Variants in SLC24A3 observed in about 807,000 individuals in gnomAD.
The protein encoded by SLC24A3 is sodium/potassium/calcium exchanger 3.
In SLC24A3, 28 loss-of-function variants were observed where a neutral mutation model predicts 75.8. The observed-to-expected ratio is 0.37, with a 90% CI of 0.27 to 0.51. The LOEUF is 0.51. SLC24A3 is among the 20% of genes least tolerant of loss of function. The pLI, the probability that SLC24A3 is intolerant of heterozygous loss-of-function variation, is 0.94. For missense variants in SLC24A3, 663 were observed against 847.8 expected (o/e 0.78, Z 2.71); for synonymous variants, 372 against 334.1 (o/e 1.11, Z -1.24).
chr20:19,397,288 C>T (rs1164465764), intron 2 of SLC24A3, among the ~76,000 whole-genome samples: 1 of 152,070 alleles, frequency 6.6e-6, no homozygotes, highest in Non-Finnish European at 1.5e-5. Context: ...ATTTTTTCTC[C>T]TCTCAAGATA....
At chr20:19,343,938 C>T (rs545376262) in intron 2 of SLC24A3, among the ~76,000 whole-genome samples, 9 of 152,244 alleles carry the variant, frequency 5.9e-5, no homozygotes, top group African/African-American at 2.2e-4. Flanking sequence ...TTTCTAAAGC[C>T]ATCGGGTGAT....
intron 2 of SLC24A3, among the ~76,000 whole-genome samples, chr20:19,310,094 T>C (rs1431149052): frequency 6.6e-6 from 1 of 152,210 alleles, no homozygotes; most frequent in Non-Finnish European, 1.5e-5. Flanking sequence ...TTCGTGGAGT[T>C]CATTCCATCT....
At chr20:19,394,751 C>A (rs6106071) in intron 2 of SLC24A3, among the ~76,000 whole-genome samples, 2 of 152,102 alleles carry the variant, frequency 1.3e-5, no homozygotes, top group South Asian at 4.1e-4. Flanking sequence ...AAATTGGAAC[C>A]TTTGTGTACT....
intron 2 of SLC24A3, among the ~76,000 whole-genome samples, chr20:19,351,564 C>T (rs975695753): frequency 1.3e-5 from 2 of 152,132 alleles, no homozygotes; most frequent in African/African-American, 2.4e-5. Flanking sequence ...CCCATGGGCC[C>T]TTGTGTGTCC....
intron 2 of SLC24A3, among the ~76,000 whole-genome samples, chr20:19,434,237 C>A (rs117356283): frequency 6.6e-6 from 1 of 152,316 alleles, no homozygotes; most frequent in Middle Eastern, 3.4e-3. Flanking sequence ...ACCAAGGAAC[C>A]GCTGAACTGT....
At chr20:19,520,462 C>T (rs1295247384) in intron 3 of SLC24A3, among the ~76,000 whole-genome samples, 1 of 152,192 alleles carries the variant, frequency 6.6e-6, no homozygotes, top group African/African-American at 2.4e-5. Flanking sequence ...GTGGTAGGGA[C>T]TCCCTTGTGC....
chr20:19,379,588 G>T (rs374078857), intron 2 of SLC24A3, among the ~76,000 whole-genome samples: 1 of 152,174 alleles, frequency 6.6e-6, no homozygotes, highest in Non-Finnish European at 1.5e-5. Context: ...GTGCTCACAG[G>T]TGCACACCCC....
chr20:19,681,603 C>A (rs998353948), intron 9 of SLC24A3, among the ~76,000 whole-genome samples: 6 of 152,204 alleles, frequency 3.9e-5, no homozygotes, highest in Admixed American at 1.3e-4. Flanking sequence ...GCAAAGTAAG[C>A]AATGTGCCCA....
chr20:19,564,042 T>C (rs2030918341), intron 3 of SLC24A3, among the ~76,000 whole-genome samples: 1 of 152,188 alleles, frequency 6.6e-6, no homozygotes, highest in South Asian at 2.1e-4. Flanking sequence ...AGTAGATACC[T>C]AGACAGAAGT....
chr20:19,687,685 T>A (rs1051181140), intron 12 of SLC24A3, among the ~76,000 whole-genome samples: 8 of 152,144 alleles, frequency 5.3e-5, no homozygotes, highest in African/African-American at 1.4e-4. Context: ...ATGAAAGATG[T>A]GTGTGTGAGA....
chr20:19,432,272 T>A (rs914839175), intron 2 of SLC24A3, among the ~76,000 whole-genome samples: 14 of 145,320 alleles, frequency 9.6e-5, no homozygotes, highest in African/African-American at 1.7e-4. Flanking sequence ...TATATCTGTT[T>A]TATATATATA....
chr20:19,651,404 T>TAC (rs2032201384), intron 6 of SLC24A3, among the ~76,000 whole-genome samples: 2 of 147,238 alleles, frequency 1.4e-5, no homozygotes, highest in Non-Finnish European at 3.0e-5. Flanking sequence ...TACACACATA[T>TAC]ATATATATAT....
chr20:19,253,044 C>G (rs191478530), intron 1 of SLC24A3, among the ~76,000 whole-genome samples: 2 of 152,174 alleles, frequency 1.3e-5, no homozygotes, highest in Non-Finnish European at 2.9e-5. Context: ...GGGCTTCCCA[C>G]GGGGTTAGGC....
intron 2 of SLC24A3, among the ~76,000 whole-genome samples, chr20:19,374,409 C>G (rs538066433): frequency 1.3e-5 from 2 of 152,258 alleles, no homozygotes; most frequent in East Asian, 3.9e-4. Context: ...GCAGCCTGCC[C>G]GCTAAGTGCT....
intron 3 of SLC24A3, among the ~76,000 whole-genome samples, chr20:19,530,465 A>C (rs958161363): frequency 6.6e-6 from 1 of 152,186 alleles, no homozygotes; most frequent in Non-Finnish European, 1.5e-5. Flanking sequence ...GTTGATTTCC[A>C]TGACAGCTCA....
chr20:19,606,941 C>T (rs1193189049), intron 6 of SLC24A3, among the ~76,000 whole-genome samples: 1 of 152,192 alleles, frequency 6.6e-6, no homozygotes, highest in Non-Finnish European at 1.5e-5. Context: ...CTTGGTACAC[C>T]TGTCAACCCT....
At chr20:19,221,140 C>T (rs1447735792) in intron 1 of SLC24A3, among the ~76,000 whole-genome samples, 1 of 152,196 alleles carries the variant, frequency 6.6e-6, no homozygotes, top group East Asian at 1.9e-4. Flanking sequence ...TCACTGCAGC[C>T]TCAAACTCCT....
intron 2 of SLC24A3, among the ~76,000 whole-genome samples, chr20:19,418,636 C>T (rs1281869723): frequency 1.3e-5 from 2 of 151,538 alleles, no homozygotes; most frequent in Non-Finnish European, 2.9e-5. Context: ...TGAAAGGGCT[C>T]ATTGAGTGCC....
At chr20:19,343,069 C>CAAAAA (rs5840837) in intron 2 of SLC24A3, among the ~76,000 whole-genome samples, 6 of 73,754 alleles carry the variant, frequency 8.1e-5, no homozygotes, top group African/African-American at 2.1e-4. Context: ...GACTCCATCT[C>CAAAAA]AAAAAAAAAA....
Sources: gnomAD v4.1 joint callset for allele counts (sites outside exome capture counted in the v4.1 genomes callset) on GRCh38, gnomAD v4.1.1 for gene constraint, MANE v1.5 for transcripts, NCBI Gene and HGNC (gene_info 2026-07-23, HGNC 2026-07-21) for gene names.